Variants in TRAPPC6B observed in about 807,000 individuals in gnomAD.
The protein encoded by TRAPPC6B is TRAPP complex subunit 6B.
Under a neutral mutation model 24.7 loss-of-function variants are expected in TRAPPC6B, and 27 were observed. That is an observed-to-expected ratio of 1.09 (90% CI 0.81 to 1.51). TRAPPC6B has a LOEUF of 1.51. TRAPPC6B is among the 40% of genes most tolerant of loss of function. TRAPPC6B has a pLI of 0.00. For missense variants in TRAPPC6B, 212 were observed against 190.8 expected (o/e 1.11, Z -0.66); for synonymous variants, 80 against 66.6 (o/e 1.20, Z -0.98).
chr14:39,158,121 C>A (rs761805), intron 3 of TRAPPC6B, among the ~76,000 whole-genome samples, 164 bp downstream of exon 3: 14,401 of 152,138 alleles, frequency 0.095, 898 homozygotes, highest in East Asian at 0.32. Flanking sequence ...TTTGTCTTTA[C>A]TCAGTTCACA....
At chr14:39,157,512 G>A in intron 3 of TRAPPC6B, 1 of 393,886 alleles carries the variant, frequency 2.5e-6, no homozygotes, top group Non-Finnish European at 5.0e-6. Context: ...AGAACAAGAA[G>A]GCTCAGCTGG....
At chr14:39,150,419 T>C (rs931496584) in intron 5 of TRAPPC6B, 38 bp from the exon 6 acceptor site, 2 of 1,446,910 alleles carry the variant, frequency 1.4e-6, no homozygotes, top group South Asian at 2.5e-5. Flanking sequence ...TGATTTTAGA[T>C]ACAAAGAAAA....
At chr14:39,157,128 A>AG (rs1463686865) in intron 3 of TRAPPC6B, 1 of 159,302 alleles carries the variant, frequency 6.3e-6, no homozygotes, top group East Asian at 2.2e-4. Context: ...AAAAAAAAAG[A>AG]AAGAAAGAAA....
chr14:39,169,938 G>C, intron 1 of TRAPPC6B, 77 bp downstream of exon 1: 13 of 1,461,144 alleles, frequency 8.9e-6, no homozygotes, highest in Non-Finnish European at 1.2e-5. Flanking sequence ...CGATGGGACA[G>C]GGGTTGAAGG....
intron 1 of TRAPPC6B, 109 bp downstream of exon 1, chr14:39,169,906 C>T: frequency 9.6e-7 from 1 of 1,038,130 alleles, no homozygotes; most frequent in Non-Finnish European, 1.5e-6. Context: ...ATTTTGTGTA[C>T]ACCTCGGGAG....
chr14:39,169,697 G>C (rs1310200568), intron 1 of TRAPPC6B, among the ~76,000 whole-genome samples: 3 of 152,102 alleles, frequency 2.0e-5, no homozygotes, highest in African/African-American at 7.2e-5. Flanking sequence ...AACTAAGTAG[G>C]CTCTGCAGTT....
rs1465644579 is a variant in TRAPPC6B, at chr14:39,169,898, T to C, written c.81+117A>G. On this transcript the variant is annotated intron_variant, in intron 1 of 5. Transcript: ENST00000330149. The stretch of plus-strand genomic sequence containing the variant: ...TTTAGGACACCTGGAGGTGGACCAT[T>C]TTGTGTACACCTCGGGAGGCGTCGG... The C allele has an allele frequency of 6.5e-6, 6 of 927,550 alleles. No homozygotes were observed. The Admixed American group carries it at 1.4e-4, about 21-fold the overall frequency. The allele number at this position is 927,550 out of a possible 1,614,324, so 57.5% of individuals were successfully genotyped here. A position where few individuals can be genotyped will look rare whatever the true frequency, so the allele number is the denominator to read the frequency against.
chr14:39,163,436 T>A (rs1368657195), intron 1 of TRAPPC6B, among the ~76,000 whole-genome samples: 1 of 150,098 alleles, frequency 6.7e-6, no homozygotes, highest in African/African-American at 2.5e-5. Flanking sequence ...AATTCTCTAG[T>A]CCCACTCCCA....
chr14:39,152,470 G>C (rs1311252194), intron 4 of TRAPPC6B, among the ~76,000 whole-genome samples: 1 of 152,126 alleles, frequency 6.6e-6, no homozygotes, highest in African/African-American at 2.4e-5. Flanking sequence ...ACAAGAACTG[G>C]ATTGAAAAAT....
chr14:39,155,657 C>T (rs931369545), intron 3 of TRAPPC6B, among the ~76,000 whole-genome samples: 1 of 152,158 alleles, frequency 6.6e-6, no homozygotes, highest in Admixed American at 6.5e-5. Context: ...CTTCCTCAGC[C>T]TCCTGAGTGG....
intron 1 of TRAPPC6B, among the ~76,000 whole-genome samples, chr14:39,162,324 A>C (rs1566550039): frequency 7.0e-6 from 1 of 141,846 alleles, no homozygotes; most frequent in African/African-American, 2.6e-5. Flanking sequence ...ATGCCTGGCT[A>C]TTTTTTTTTT....
At position 39,170,199 on chromosome 14, in the gene TRAPPC6B, G is replaced by A. The variant is rs967295273; in HGVS notation, c.-104C>T. The A allele has an allele frequency of 1.8e-6, 2 of 1,092,732 alleles. No homozygotes were observed. The highest frequency in any genetic ancestry group is 2.7e-6 in the Non-Finnish European group (2 of 731,426). 67.7% of individuals were successfully genotyped at this position (1,092,732 alleles called of 1,614,324 possible). ...CTTCGCCGGCGCCGCGGCTCCGTCAGGCCGCCATTCTATCCCTGTGGCTAA... is the reference window on the plus strand; with the variant it reads ...CTTCGCCGGCGCCGCGGCTCCGTCAAGCCGCCATTCTATCCCTGTGGCTAA... On this transcript the variant is annotated 5_prime_UTR_variant, in exon 1 of 6. Coordinates refer to ENST00000330149, the MANE Select transcript of TRAPPC6B (RefSeq NM_001079537.2).
chr14:39,167,709 T>TC (rs55673596), intron 1 of TRAPPC6B, among the ~76,000 whole-genome samples: 9 of 151,762 alleles, frequency 5.9e-5, no homozygotes, highest in East Asian at 1.9e-4. Flanking sequence ...CTTTCAATTT[T>TC]CCCCCCCATC....
intron 1 of TRAPPC6B, among the ~76,000 whole-genome samples, chr14:39,167,431 T>C (rs1422802185): frequency 2.0e-5 from 3 of 152,100 alleles, no homozygotes; most frequent in Non-Finnish European, 4.4e-5. Context: ...AGACACATAA[T>C]CCTGTCAGCG....
chr14:39,160,003 A>C (rs2053036790), intron 1 of TRAPPC6B, among the ~76,000 whole-genome samples: 1 of 152,094 alleles, frequency 6.6e-6, no homozygotes, highest in Non-Finnish European at 1.5e-5. Context: ...TTGTATTTTT[A>C]GTAGAGAAAA....
chr14:39,156,661 T>G (rs2052982226), intron 3 of TRAPPC6B: 1 of 152,160 alleles, frequency 6.6e-6, no homozygotes, highest in Non-Finnish European at 1.5e-5. Context: ...GCAGTAATAA[T>G]CCAGGAGTTA....
chr14:39,169,383 A>AT (rs1266550123), intron 1 of TRAPPC6B, among the ~76,000 whole-genome samples: 1 of 152,212 alleles, frequency 6.6e-6, no homozygotes, highest in African/African-American at 2.4e-5. Context: ...ATTAAATTAG[A>AT]TTAAAAAAAA....
chr14:39,148,108 C>A lies in TRAPPC6B; in HGVS notation c.*2242G>T, dbSNP rs1250894292. ...TCAGGTGCTTTCTATCTACATCCCA[C>A]TATTCTCAGTGTGATAGCTTTCATC... On this transcript the variant is annotated 3_prime_UTR_variant, in exon 6 of 6. Coordinates refer to ENST00000330149, the MANE Select transcript of TRAPPC6B (RefSeq NM_001079537.2). 1 of 152,278 alleles carries A rather than the reference C, an allele frequency of 6.6e-6. No homozygotes were observed. Among genetic ancestry groups the A allele is most frequent in the African/African-American group, 2.4e-5 (1 of 41,462 alleles). 9.4% of individuals were successfully genotyped at this position (152,278 alleles called of 1,614,324 possible). A position where few individuals can be genotyped will look rare whatever the true frequency, so the allele number is the denominator to read the frequency against.
intron 1 of TRAPPC6B, among the ~76,000 whole-genome samples, chr14:39,161,168 C>G (rs1385840691): frequency 3.3e-5 from 5 of 152,210 alleles, no homozygotes. Context: ...GCAAGTTATA[C>G]TGTGGTTAAG....
Sources: gnomAD v4.1 joint callset for allele counts (sites outside exome capture counted in the v4.1 genomes callset) on GRCh38, gnomAD v4.1.1 for gene constraint, MANE v1.5 for transcripts, NCBI Gene and HGNC (gene_info 2026-07-23, HGNC 2026-07-21) for gene names.